Variants in COCH observed in about 807,000 individuals in gnomAD.
COCH encodes coagulation factor C homolog, cochlin (Limulus polyphemus).
In COCH, 40 loss-of-function variants were observed where a neutral mutation model predicts 54.8. That is an observed-to-expected ratio of 0.73 (90% CI 0.57 to 0.95). The LOEUF is 0.95. Ranked by LOEUF, COCH falls within the 40% of genes least tolerant of loss-of-function variation. COCH has a pLI of 0.00. For synonymous variants in COCH, 256 were observed against 237.9 expected (o/e 1.08, Z -0.70); for missense variants, 605 against 675.0 (o/e 0.90, Z 1.15).
intron 7 of COCH, 27 bp downstream of exon 7, chr14:30,880,523 A>G: frequency 6.2e-7 from 1 of 1,614,182 alleles, no homozygotes; most frequent in South Asian, 1.1e-5. Context: ...CCATTTGGGA[A>G]GGTAGCATTT....
chr14:30,880,532 T>C (rs1414839779), intron 7 of COCH, 36 bp downstream of exon 7: 2 of 1,614,022 alleles, frequency 1.2e-6, no homozygotes, highest in South Asian at 1.1e-5. Flanking sequence ...AAGGTAGCAT[T>C]TTCCCTCCCT....
chr14:30,877,682 A>G lies in COCH; in HGVS notation c.193A>G (p.Ile65Val), dbSNP rs148102471. Residue 65 changes from isoleucine (I) to valine (V), a missense_variant, in exon 4 of 12, where the codon ATA becomes GTA. Coordinates refer to ENST00000396618, the MANE Select transcript of COCH (RefSeq NM_004086.3). This position sits in a 1 kb window ranked among gnomAD's most constrained non-coding sequence, Gnocchi z 8.6. ...TGAGGAATTCTCTGTGTATGGGAAC[A>G]TAGTATATGCTTCTGTATCGAGCAT... ...PLEEFSVYGN[I>V]VYASVSSICG... 7 of 1,614,232 alleles carry G rather than the reference A, an allele frequency of 4.3e-6. No homozygotes were observed. The African/African-American group carries it at 6.7e-5, about 15-fold the overall frequency.
chr14:30,880,448 T>C lies in COCH; in HGVS notation c.437-4T>C, dbSNP rs2138850581. 1 of 1,613,960 alleles carries C rather than the reference T, an allele frequency of 6.2e-7. No homozygotes were observed. Among genetic ancestry groups the C allele is most frequent in the African/African-American group, 1.3e-5 (1 of 75,036 alleles). On this transcript the variant is annotated splice_polypyrimidine_tract_variant and splice_region_variant and intron_variant, in intron 6 of 11. Transcript: ENST00000396618. ...GTTAATGCCAAGTGCATCTTTTATT[T>C]CAGGTAAACGACTAAAGAAAACACC...
chr14:30,885,330 G>A (rs527371026), intron 9 of COCH, 64 bp from the exon 10 acceptor site: 1 of 1,361,892 alleles, frequency 7.3e-7, no homozygotes, highest in African/African-American at 1.4e-5. Context: ...AAATGCTACA[G>A]GGAAACAGAA....
chr14:30,890,090 G>A lies in COCH; in HGVS notation c.*299G>A. The A allele has an allele frequency of 9.4e-7, 1 of 1,062,812 alleles. No homozygotes were observed. 65.8% of individuals were successfully genotyped at this position (1,062,812 alleles called of 1,614,324 possible). A position where few individuals can be genotyped will look rare whatever the true frequency, so the allele number is the denominator to read the frequency against. ...TCTAACCATGCCTACTAAATGTACAGATATGCAAATTCCATAGCTCAATAA... is the reference window on the plus strand; with the variant it reads ...TCTAACCATGCCTACTAAATGTACAAATATGCAAATTCCATAGCTCAATAA... On this transcript the variant is annotated 3_prime_UTR_variant, in exon 12 of 12. Transcript: ENST00000396618.
At chr14:30,875,394 C>A in intron 3 of COCH, 5 of 596,340 alleles carry the variant, frequency 8.4e-6, no homozygotes, top group Non-Finnish European at 1.5e-5. Context: ...ACCCCGGGCC[C>A]GCTGAGCGCC....
At chr14:30,885,159 G>A in intron 9 of COCH, 1 of 1,337,226 alleles carries the variant, frequency 7.5e-7, no homozygotes, top group Non-Finnish European at 1.0e-6. Flanking sequence ...TCTAGGAGGT[G>A]GAGGGGGAAC....
chr14:30,877,834 C>A lies in COCH; in HGVS notation c.239+106C>A. 2 of 1,553,136 alleles carry A rather than the reference C, an allele frequency of 1.3e-6. No individual in the cohort carries two copies. Among genetic ancestry groups the A allele is most frequent in the Non-Finnish European group, 1.7e-6 (2 of 1,144,820 alleles). ...CCTCCCTGCATTCTTTCTTTTGTTG[C>A]CATTGTGGCCACAGAAAATGGATAT... On this transcript the variant is annotated intron_variant, in intron 4 of 11. Transcript: ENST00000396618. The surrounding 1 kb of genome is among the most constrained non-coding windows in gnomAD (Gnocchi z 8.6).
chr14:30,895,416 C>T (rs774943710), downstream of COCH: 32 of 1,601,726 alleles, frequency 2.0e-5, no homozygotes, highest in Non-Finnish European at 1.9e-5. Context: ...TTGATTCATA[C>T]AAATACTTTG....
chr14:30,876,390 G>A (rs1566405823), intron 3 of COCH: 1 of 152,176 alleles, frequency 6.6e-6, no homozygotes, highest in African/African-American at 2.4e-5. Flanking sequence ...AAATGCATCC[G>A]CTGCTTGATA....
At chr14:30,894,868 A>G (rs2138919107), downstream of COCH, 1 of 816,288 alleles carries the variant, frequency 1.2e-6, no homozygotes, top group Non-Finnish European at 1.6e-6. Context: ...TAATGCTAAA[A>G]TATTTTAAGT....
downstream of COCH, chr14:30,895,214 TCCCA>T: frequency 3.4e-6 from 2 of 595,720 alleles, no homozygotes; most frequent in African/African-American, 1.8e-5. Flanking sequence ...TTTTTCTTTG[TCCCA>T]CAAAATACAG....
intron 8 of COCH, among the ~76,000 whole-genome samples, chr14:30,881,781 A>T (rs1331761968): frequency 1.1e-3 from 167 of 149,734 alleles, no homozygotes; most frequent in African/African-American, 3.8e-3. Flanking sequence ...ACACGGGGAA[A>T]CCCCGTCTCT....
intron 5 of COCH, 83 bp downstream of exon 5, chr14:30,879,027 C>T: frequency 1.3e-6 from 2 of 1,555,060 alleles, no homozygotes; most frequent in Non-Finnish European, 1.8e-6. Context: ...GCCTCTTTAA[C>T]CTTGATGGAA....
At chr14:30,875,130 A>T in intron 3 of COCH, 27 bp downstream of exon 3, 1 of 1,549,134 alleles carries the variant, frequency 6.5e-7, no homozygotes, top group South Asian at 1.2e-5. Context: ...GGGTGCGTCC[A>T]GGCGGTCGCA....
intron 3 of COCH, chr14:30,876,550 C>T (rs547238332): frequency 1.7e-4 from 26 of 152,282 alleles, no homozygotes; most frequent in African/African-American, 6.3e-4. Context: ...TTAATTTTCT[C>T]ATCTATAAAA....
intron 9 of COCH, 22 bp downstream of exon 9, chr14:30,884,678 G>A: frequency 6.6e-7 from 1 of 1,506,504 alleles, no homozygotes; most frequent in Non-Finnish European, 9.2e-7. Flanking sequence ...TTGATACCTG[G>A]GATGTAACAT....
At chr14:30,885,165 G>A (rs1895740001) in intron 9 of COCH, 1 of 1,282,396 alleles carries the variant, frequency 7.8e-7, no homozygotes, top group Non-Finnish European at 1.1e-6. Flanking sequence ...AGGTGGAGGG[G>A]GAACTAATAT....
chr14:30,884,219 C>T (rs557384009), intron 8 of COCH, among the ~76,000 whole-genome samples: 2 of 152,330 alleles, frequency 1.3e-5, no homozygotes, highest in South Asian at 4.1e-4. Context: ...ATCAGGCAAA[C>T]TCCCTAAATG....
Sources: allele counts gnomAD v4.1 joint callset (sites outside exome capture counted in the v4.1 genomes callset), GRCh38; gene constraint gnomAD v4.1.1; non-coding constraint Gnocchi (gnomAD v3.1); transcripts MANE v1.5; gene names NCBI Gene and HGNC (gene_info 2026-07-23, HGNC 2026-07-21).